CTNNA3: variants seen among roughly 807,000 people sequenced by gnomAD.
CTNNA3 encodes the protein catenin alpha 3.
Under a neutral mutation model 95.7 loss-of-function variants are expected in CTNNA3, and 76 were observed. That is an observed-to-expected ratio of 0.79 (90% CI 0.66 to 0.96). The LOEUF (loss-of-function observed/expected upper bound fraction) is 0.96, where lower values mean the gene tolerates loss of function less well. Among genes scored for constraint, CTNNA3 ranks in the 40% least tolerant of loss-of-function variants. The pLI, the probability that CTNNA3 is intolerant of heterozygous loss-of-function variation, is 0.00. For missense variants in CTNNA3, 1,191 were observed against 1,089.8 expected (o/e 1.09, Z -1.31); for synonymous variants, 431 against 374.4 (o/e 1.15, Z -1.74).
intron 5 of CTNNA3, among the ~76,000 whole-genome samples, chr10:67,226,542 A>C (rs902447925): frequency 6.6e-6 from 1 of 152,232 alleles, no homozygotes; most frequent in Non-Finnish European, 1.5e-5. Flanking sequence ...GAAACCCTAC[A>C]AGTAAGAAGC....
intron 7 of CTNNA3, among the ~76,000 whole-genome samples, chr10:67,133,448 G>T (rs1346090382): frequency 1.3e-5 from 2 of 149,956 alleles, no homozygotes; most frequent in African/African-American, 4.9e-5. Flanking sequence ...AACACAGAAG[G>T]TAAATGGTTG....
chr10:66,314,203 A>G lies in CTNNA3; in HGVS notation c.1733-33582T>C, dbSNP rs546805766. 7.9e-4 allele frequency among the ~76,000 whole-genome samples: 120 copies of G among 152,282 alleles called. 1 individual carries two copies. The highest frequency in any genetic ancestry group is 2.7e-3 in the African/African-American group (113 of 41,568). On this transcript the variant is annotated intron_variant, in intron 12 of 17. Transcript: ENST00000433211. Reference sequence around the variant, plus strand: ...TAACATGAATGAGTGAAGCTGGCCCAGGGACAGCATTGAGCACAAGACTAG... The same window carrying G: ...TAACATGAATGAGTGAAGCTGGCCCGGGGACAGCATTGAGCACAAGACTAG...
chr10:67,669,286 C>T (rs1437079640), intron 1 of CTNNA3, among the ~76,000 whole-genome samples: 2 of 152,102 alleles, frequency 1.3e-5, no homozygotes, highest in Admixed American at 6.5e-5. Flanking sequence ...CCATGAGCAA[C>T]TGGAAATGCA....
At chr10:66,956,138 T>A (rs1170461237) in intron 7 of CTNNA3, among the ~76,000 whole-genome samples, 1 of 151,888 alleles carries the variant, frequency 6.6e-6, no homozygotes, top group Non-Finnish European at 1.5e-5. Flanking sequence ...CTTGTTAGCC[T>A]TCATATTTCC....
intron 12 of CTNNA3, among the ~76,000 whole-genome samples, chr10:66,330,217 C>T (rs371041929): frequency 6.6e-5 from 10 of 151,738 alleles, no homozygotes; most frequent in Admixed American, 2.0e-4. Flanking sequence ...ATCCCTCCCC[C>T]CCTCTCCCCA....
intron 11 of CTNNA3, among the ~76,000 whole-genome samples, chr10:66,512,523 T>G (rs1840697957): frequency 6.6e-6 from 1 of 152,106 alleles, no homozygotes; most frequent in Admixed American, 6.5e-5. Context: ...TTTTCTCATT[T>G]GCATATCTGC....
intron 1 of CTNNA3, chr10:67,750,621 AC>A: frequency 6.5e-7 from 1 of 1,548,696 alleles, no homozygotes; most frequent in Non-Finnish European, 8.9e-7. Flanking sequence ...ATTCACTAGC[AC>A]AGGGATACAA....
intron 10 of CTNNA3, among the ~76,000 whole-genome samples, chr10:66,592,754 T>C (rs1471469381): frequency 1.3e-5 from 2 of 152,072 alleles, no homozygotes; most frequent in African/African-American, 2.4e-5. Flanking sequence ...CAGAAAGCAA[T>C]AGCAGCCACT....
chr10:66,575,178 G>A (rs566581295), intron 10 of CTNNA3, among the ~76,000 whole-genome samples: 5 of 152,186 alleles, frequency 3.3e-5, no homozygotes, highest in Middle Eastern at 6.8e-3. Flanking sequence ...GGGAGGAGGG[G>A]AGAGAAAAAG....
chr10:67,460,039 CAAT>C (rs149190332), intron 5 of CTNNA3, among the ~76,000 whole-genome samples: 1,851 of 152,146 alleles, frequency 0.012, 29 homozygotes, highest in African/African-American at 0.037. Flanking sequence ...TGATTTTACC[CAAT>C]AATAAGATTA....
chr10:66,292,535 A>G (rs1044223075), intron 12 of CTNNA3, among the ~76,000 whole-genome samples: 2 of 152,224 alleles, frequency 1.3e-5, no homozygotes, highest in East Asian at 1.9e-4. Context: ...TTCTGTTCCT[A>G]TTCACTAAAG....
chr10:66,912,887 G>A (rs1440563979), intron 7 of CTNNA3, among the ~76,000 whole-genome samples: 2 of 150,190 alleles, frequency 1.3e-5, no homozygotes, highest in East Asian at 1.9e-4. Flanking sequence ...TACAGCCAAG[G>A]AAGCCACAAG....
intron 5 of CTNNA3, among the ~76,000 whole-genome samples, chr10:67,311,099 G>T (rs1334443712): frequency 6.6e-6 from 1 of 152,054 alleles, no homozygotes; most frequent in Admixed American, 6.6e-5. Flanking sequence ...TACCTTCTGC[G>T]CCTTAAAAGA....
At chr10:65,926,845 A>G (rs187788004) in intron 17 of CTNNA3, among the ~76,000 whole-genome samples, 65 of 152,222 alleles carry the variant, frequency 4.3e-4, no homozygotes, top group African/African-American at 1.6e-3. Flanking sequence ...TAGAGATATT[A>G]TATTGAGGTT....
intron 7 of CTNNA3, among the ~76,000 whole-genome samples, chr10:66,813,398 T>C (rs964333115): frequency 2.0e-5 from 3 of 152,320 alleles, no homozygotes; most frequent in Admixed American, 6.5e-5. Flanking sequence ...TGTGAAATGA[T>C]AGGGTATCTA....
chr10:67,230,822 G>T (rs79256932), intron 5 of CTNNA3, among the ~76,000 whole-genome samples: 22 of 152,176 alleles, frequency 1.4e-4, no homozygotes, highest in Non-Finnish European at 2.5e-4. Context: ...TGCACACACC[G>T]TGCGCGAGCC....
chr10:67,000,748 C>G (rs1261573023), intron 7 of CTNNA3, among the ~76,000 whole-genome samples: 2 of 152,054 alleles, frequency 1.3e-5, no homozygotes, highest in East Asian at 3.9e-4. Context: ...TCCCTCACCC[C>G]ACACCTGACA....
chr10:66,104,590 C>G (rs1001094191), intron 13 of CTNNA3, among the ~76,000 whole-genome samples: 1 of 152,170 alleles, frequency 6.6e-6, no homozygotes, highest in African/African-American at 2.4e-5. Flanking sequence ...CATTCCTAAT[C>G]TCTCTCCCAT....
rs1176919938 is a variant in CTNNA3 at position 67,538,157 on chromosome 10, TAAAAAAA to T, written c.459+1339_459+1345del. Among the ~76,000 whole-genome samples the T allele has an allele frequency of 5.7e-4, 34 of 59,176 alleles. 1 individual carries two copies. Among genetic ancestry groups the T allele is most frequent in the Admixed American group, 5.4e-3 (28 of 5,226 alleles). 38.8% of individuals were successfully genotyped at this position (59,176 alleles called of 152,430 possible). The stretch of plus-strand genomic sequence containing the variant: ...CCCTTTCCTAAAAAGCTACTTAAAC[TAAAAAAA>T]AAAAAAAAAAAAAAAAGGTATTGAA... On this transcript the variant is annotated intron_variant, in intron 4 of 17. Transcript: ENST00000433211.
Sources: gnomAD v4.1 joint callset for allele counts (sites outside exome capture counted in the v4.1 genomes callset) on GRCh38, gnomAD v4.1.1 for gene constraint, MANE v1.5 for transcripts, NCBI Gene and HGNC (gene_info 2026-07-23, HGNC 2026-07-21) for gene names.